ZZEF1: variants seen among roughly 807,000 people sequenced by gnomAD.
ZZEF1 encodes zinc finger ZZ-type and EF-hand domain-containing protein 1.
In ZZEF1, 157 loss-of-function variants were observed where a neutral mutation model predicts 342.8. That is an observed-to-expected ratio of 0.46 (90% CI 0.40 to 0.52). ZZEF1 has a LOEUF of 0.52. Among genes scored for constraint, ZZEF1 ranks in the 20% least tolerant of loss-of-function variants. The pLI is 0.00. For missense variants in ZZEF1, 3,480 were observed against 3,725.6 expected, an observed-to-expected ratio of 0.93 and a Z score of 1.72; for synonymous variants, 1,505 against 1,429.1, an observed-to-expected ratio of 1.05 and a Z score of -1.20.
rs201638816 is a variant in ZZEF1 at position 4,014,321 on chromosome 17, A to G, written c.8314+26T>C. 5 of 1,613,986 alleles carry G rather than the reference A, an allele frequency of 3.1e-6. No individual in the cohort carries two copies. The East Asian group carries it at 1.1e-4, about 36-fold the overall frequency. ...TTTAAACACTGCCTGTGAAGAACCT[A>G]TCTAATCGAGTATTTGTTTCACTAC... is the stretch of plus-strand genomic sequence containing the variant. On this transcript the variant is annotated intron_variant, in intron 50 of 54. Coordinates refer to ENST00000381638, the MANE Select transcript of ZZEF1 (RefSeq NM_015113.4). This position sits in a 1 kb window ranked among gnomAD's most constrained non-coding sequence, Gnocchi z 4.4.
rs2057654490 is a variant in ZZEF1, at chr17:4,077,968, T to C, written c.2904A>G (p.Gln968=). 6.2e-7 allele frequency: 1 copy of C among 1,614,194 alleles called. No homozygotes were observed. The highest frequency in any genetic ancestry group is 8.5e-7 in the Non-Finnish European group (1 of 1,180,044). The change falls in exon 19 of 55, where the codon CAA becomes CAG. Residue 968 remains glutamine, a synonymous_variant. Transcript: ENST00000381638. ...SVLFSLFWSV[Q]GSLLSWCYLQ... is the part of the protein sequence containing the mutation. ...GGTAGCACCAGGATAGCAGGCTGCC[T>C]TGGACGGACCAGAACAGGGAGAAGA...
chr17:4,009,783 C>A, intron 52 of ZZEF1, 26 bp from the exon 53 acceptor site: 2 of 1,609,420 alleles, frequency 1.2e-6, no homozygotes, highest in South Asian at 2.2e-5. Context: ...CGGAGGTGGT[C>A]AGTTTACTGA....
At chr17:4,112,519 C>G in intron 5 of ZZEF1, 90 bp downstream of exon 5, 1 of 1,307,802 alleles carries the variant, frequency 7.6e-7, no homozygotes, top group Non-Finnish European at 1.1e-6. Flanking sequence ...AGAAGCAAAC[C>G]GAATCTCAAA....
intron 17 of ZZEF1, among the ~76,000 whole-genome samples, chr17:4,081,768 T>C (rs1231397832): frequency 6.6e-6 from 1 of 152,198 alleles, no homozygotes; most frequent in East Asian, 1.9e-4. Flanking sequence ...CAATATGAAA[T>C]ACACCTCATC....
intron 42 of ZZEF1, among the ~76,000 whole-genome samples, chr17:4,028,544 G>C: frequency 7.8e-6 from 1 of 128,646 alleles, no homozygotes; most frequent in Admixed American, 8.8e-5. Flanking sequence ...GTAAGACTCT[G>C]TCTCCAAAAA....
intron 19 of ZZEF1, 121 bp downstream of exon 19, chr17:4,077,762 A>T: frequency 9.3e-7 from 1 of 1,077,496 alleles, no homozygotes; most frequent in Admixed American, 2.4e-5. Context: ...CCAGTCCAAG[A>T]ATCTGAATCG....
chr17:4,123,167 G>A (rs1240956831), intron 2 of ZZEF1, among the ~76,000 whole-genome samples: 2 of 148,838 alleles, frequency 1.3e-5, no homozygotes, highest in African/African-American at 2.5e-5. Flanking sequence ...TGATCCGCCC[G>A]CCTCGGCCTC....
intron 1 of ZZEF1, among the ~76,000 whole-genome samples, chr17:4,133,990 C>T (rs1448115639): frequency 2.0e-5 from 3 of 152,140 alleles, no homozygotes; most frequent in Non-Finnish European, 4.4e-5. Flanking sequence ...TCGGCATAAG[C>T]CACTGTGCCA....
chr17:4,074,228 C>T lies in ZZEF1; in HGVS notation c.3607G>A (p.Gly1203Arg). 1 of 1,614,076 alleles carries T rather than the reference C, an allele frequency of 6.2e-7. No individual in the cohort carries two copies. The highest frequency in any genetic ancestry group is 8.5e-7 in the Non-Finnish European group (1 of 1,180,002). ...CGLPDVAVSW[G>R]LDLQLLVSRL... Reference sequence around the variant, plus strand: ...GAGACGAGGAGCTGTAAATCCAGCCCCCAAGACACGGCAACATCGGGCAGC... The same window carrying T: ...GAGACGAGGAGCTGTAAATCCAGCCTCCAAGACACGGCAACATCGGGCAGC... The change falls in exon 24 of 55, where the codon GGG becomes AGG. Residue 1203 changes from glycine (G) to arginine (R), a missense_variant. Transcript: ENST00000381638.
intron 1 of ZZEF1, among the ~76,000 whole-genome samples, chr17:4,129,702 T>TGGTA (rs1455828938): frequency 6.6e-6 from 1 of 152,034 alleles, no homozygotes; most frequent in East Asian, 1.9e-4. Context: ...CCAGGTGTGG[T>TGGTA]GGTAGGCACC....
Position 4,006,580 on chromosome 17 carries a change from C to G in ZZEF1, c.*310G>C, listed in dbSNP as rs1246093799. The G allele has an allele frequency of 2.5e-6, 1 of 398,508 alleles. No homozygotes were observed. The highest frequency in any genetic ancestry group is 4.6e-6 in the Non-Finnish European group (1 of 215,186). 24.7% of individuals were successfully genotyped at this position (398,508 alleles called of 1,614,324 possible). A position where few individuals can be genotyped will look rare whatever the true frequency, so the allele number is the denominator to read the frequency against. On this transcript the variant is annotated 3_prime_UTR_variant, in exon 55 of 55. Coordinates refer to ENST00000381638, the MANE Select transcript of ZZEF1 (RefSeq NM_015113.4). ...GAGAGAGGCCGCTTCCAAGTCTTCCCAGGCCCACGGCTCCTGCAGTGACAG... is the reference window on the plus strand; with the variant it reads ...GAGAGAGGCCGCTTCCAAGTCTTCCGAGGCCCACGGCTCCTGCAGTGACAG...
chr17:4,073,398 A>G (rs1352350215), intron 24 of ZZEF1, among the ~76,000 whole-genome samples: 1 of 152,166 alleles, frequency 6.6e-6, no homozygotes, highest in African/African-American at 2.4e-5. Flanking sequence ...TGTTCCCTGG[A>G]AGAATTAAAT....
In ZZEF1 at chr17:4,142,991, CGGA is replaced by C; in HGVS notation, c.-99_-97del. On this transcript the variant is annotated 5_prime_UTR_variant, in exon 1 of 55. Coordinates refer to ENST00000381638, the MANE Select transcript of ZZEF1 (RefSeq NM_015113.4). ...CGACAGCAGCTGGCGGGCGGGGACG[CGGA>C]GGAGACGACGGCGGCCCCTGCGGCT... The C allele has an allele frequency of 7.9e-7, 1 of 1,268,854 alleles. No individual in the cohort carries two copies. The allele number at this position is 1,268,854 out of a possible 1,614,324, so 78.6% of individuals were successfully genotyped here. A position where few individuals can be genotyped will look rare whatever the true frequency, so the allele number is the denominator to read the frequency against.
chr17:4,076,586 C>CACTTAGGAGTGATGGGA (rs1567819185), intron 21 of ZZEF1, 51 bp downstream of exon 21: 1 of 1,575,854 alleles, frequency 6.3e-7, no homozygotes, highest in Non-Finnish European at 8.6e-7. Context: ...AAGTGTGTCC[C>CACTTAGGAGTGATGGGA]ATCACTCCTG....
chr17:4,044,187 A>C lies in ZZEF1; in HGVS notation c.6166+37T>G, dbSNP rs2056861059. ...GGGATGGGTATATGTGCATTTTAAG[A>C]TGAAAGAGATGAAGATAATGGTCAA... On this transcript the variant is annotated intron_variant, in intron 38 of 54. Transcript: ENST00000381638. The C allele has an allele frequency of 3.7e-6, 6 of 1,607,774 alleles. No homozygotes were observed. In the South Asian group the frequency reaches 4.4e-5, roughly 12 times the overall value.
At chr17:4,134,221 A>C (rs1029792235) in intron 1 of ZZEF1, among the ~76,000 whole-genome samples, 8 of 151,368 alleles carry the variant, frequency 5.3e-5, no homozygotes, top group African/African-American at 1.7e-4. Flanking sequence ...CAGGAGGCTG[A>C]GGTGGGAGGA....
intron 33 of ZZEF1, among the ~76,000 whole-genome samples, chr17:4,054,760 T>A (rs185912685): frequency 4.6e-5 from 7 of 152,260 alleles, no homozygotes; most frequent in African/African-American, 1.7e-4. Flanking sequence ...ACTGGAGTGC[T>A]CTTCTGGAAG....
At position 4,006,016 on chromosome 17, in the gene ZZEF1, G is replaced by T. The variant is rs558505972; in HGVS notation, c.*874C>A. On this transcript the variant is annotated 3_prime_UTR_variant, in exon 55 of 55. Transcript: ENST00000381638. Reference sequence around the variant, plus strand: ...GACAGACTACCATGACTATCAAGCAGAAATAAAATTATGTGGGTTTTTACT... The same window carrying T: ...GACAGACTACCATGACTATCAAGCATAAATAAAATTATGTGGGTTTTTACT... 2.6e-5 allele frequency: 4 copies of T among 152,254 alleles called. No individual in the cohort carries two copies. The highest frequency in any genetic ancestry group is 9.6e-5 in the African/African-American group (4 of 41,454). The allele number at this position is 152,254 out of a possible 1,614,324, so 9.4% of individuals were successfully genotyped here.
At chr17:4,093,750 T>C (rs1328086270) in intron 11 of ZZEF1, among the ~76,000 whole-genome samples, 1 of 152,184 alleles carries the variant, frequency 6.6e-6, no homozygotes, top group Non-Finnish European at 1.5e-5. Flanking sequence ...AGCAATCCAC[T>C]ACCCATGAAA....
Sources: gnomAD v4.1 joint callset for allele counts (sites outside exome capture counted in the v4.1 genomes callset) on GRCh38, gnomAD v4.1.1 for gene constraint, Gnocchi (gnomAD v3.1) non-coding constraint, MANE v1.5 for transcripts, NCBI Gene and HGNC (gene_info 2026-07-23, HGNC 2026-07-21) for gene names.